PSEN1: variants seen among roughly 807,000 people sequenced by gnomAD.
PSEN1 encodes presenilin 1.
In PSEN1, 15 loss-of-function variants were observed where a neutral mutation model predicts 53.5. The ratio of observed to expected loss-of-function variants is 0.28; its 90% CI spans 0.19 to 0.43. PSEN1 has a LOEUF of 0.43. Among genes scored for constraint, PSEN1 ranks in the 20% least tolerant of loss-of-function variants. PSEN1 has a pLI of 1.00. For missense variants in PSEN1, 387 were observed against 571.2 expected, an observed-to-expected ratio of 0.68 and a Z score of 3.29; for synonymous variants, 208 against 209.8, an observed-to-expected ratio of 0.99 and a Z score of 0.08.
At chr14:73,216,304 A>G (rs1899910441) in intron 10 of PSEN1, among the ~76,000 whole-genome samples, 1 of 152,248 alleles carries the variant, frequency 6.6e-6, no homozygotes, top group Admixed American at 6.5e-5. Context: ...GTAAACGGGT[A>G]CAAGGTACCT....
chr14:73,219,975 T>C lies in PSEN1; in HGVS notation c.*686T>C, dbSNP rs938292234. The C allele has an allele frequency of 6.6e-6, 1 of 152,526 alleles. No homozygotes were observed. Among genetic ancestry groups the C allele is most frequent in the African/African-American group, 2.4e-5 (1 of 41,462 alleles). 9.4% of individuals were successfully genotyped at this position (152,526 alleles called of 1,614,324 possible). On this transcript the variant is annotated 3_prime_UTR_variant, in exon 12 of 12. Transcript: ENST00000324501. ...CACTCATTACCGTCTGTGATTGCCA[T>C]TTCTTCCCAAGGCCAGTCTGAACCT...
At chr14:73,180,007 C>T (rs1053076023) in intron 5 of PSEN1, among the ~76,000 whole-genome samples, 10 of 149,132 alleles carry the variant, frequency 6.7e-5, no homozygotes, top group African/African-American at 9.9e-5. Context: ...TTTTTTGAGA[C>T]GGAGTCTCAG....
At position 73,219,232 on chromosome 14, in the gene PSEN1, A is replaced by G. The variant is rs199632597; in HGVS notation, c.1347A>G (p.Thr449=). Residue 449 remains threonine, a synonymous_variant, in exon 12 of 12, where the codon ACA becomes ACG. Coordinates refer to ENST00000324501, the MANE Select transcript of PSEN1 (RefSeq NM_000021.4). ...ITFGLVFYFA[T]DYLVQPFMDQ... ...TTGGGCTTGTTTTCTACTTTGCCAC[A>G]GATTATCTTGTACAGCCTTTTATGG... The G allele has an allele frequency of 1.1e-5, 17 of 1,613,704 alleles. No individual in the cohort carries two copies. The African/African-American group carries it at 2.0e-4, about 19-fold the overall frequency.
Position 73,147,250 on chromosome 14 carries a change from C to G in PSEN1, c.-135-545C>G, listed in dbSNP as rs60619903. Among the ~76,000 whole-genome samples the G allele has an allele frequency of 4.9e-3, 744 of 152,282 alleles. 5 individuals are homozygous for G. The highest frequency in any genetic ancestry group is 0.016 in the African/African-American group (684 of 41,558). ...CCGCCCGCCTTGGCCTCCCAAAGTGCTGGGATTACAGGCATGAGCCACCGC... is the reference window on the plus strand; with the variant it reads ...CCGCCCGCCTTGGCCTCCCAAAGTGGTGGGATTACAGGCATGAGCCACCGC... On this transcript the variant is annotated intron_variant, in intron 1 of 11. Coordinates refer to ENST00000324501, the MANE Select transcript of PSEN1 (RefSeq NM_000021.4).
intron 5 of PSEN1, among the ~76,000 whole-genome samples, chr14:73,184,765 C>T (rs1172156468): frequency 6.6e-5 from 10 of 151,646 alleles, no homozygotes; most frequent in Admixed American, 5.9e-4. Context: ...ACCTCCCTCC[C>T]GGACGGGGTG....
At chr14:73,147,680 G>A (rs1339063325) in intron 1 of PSEN1, 115 bp from the exon 2 acceptor site, 4 of 335,394 alleles carry the variant, frequency 1.2e-5, no homozygotes, top group Admixed American at 4.3e-5. Flanking sequence ...GTTGAAAGTC[G>A]TGACAAATTA....
chr14:73,160,548 CT>C (rs1243208613), intron 3 of PSEN1, among the ~76,000 whole-genome samples: 1 of 152,182 alleles, frequency 6.6e-6, no homozygotes, highest in Non-Finnish European at 1.5e-5. Context: ...TTCTTCACAA[CT>C]TTACCACCGC....
At chr14:73,196,819 G>A (rs1661898616) in intron 7 of PSEN1, among the ~76,000 whole-genome samples, 1 of 151,682 alleles carries the variant, frequency 6.6e-6, no homozygotes, top group Admixed American at 6.6e-5. Context: ...TGACAATAAT[G>A]TGAATACAAG....
intron 8 of PSEN1, among the ~76,000 whole-genome samples, chr14:73,205,302 C>T (rs1899407593): frequency 6.6e-6 from 1 of 151,732 alleles, no homozygotes; most frequent in Non-Finnish European, 1.5e-5. Flanking sequence ...CAGTGAAACC[C>T]CACCTCTACT....
At position 73,177,483 on chromosome 14, in the gene PSEN1, T is replaced by C. The variant is rs977210319; in HGVS notation, c.480+3776T>C. Among the ~76,000 whole-genome samples, 31 of 152,346 alleles carry C rather than the reference T, an allele frequency of 2.0e-4. 2 individuals carry two copies. In the South Asian group the frequency reaches 6.2e-3, roughly 31 times the overall value. On this transcript the variant is annotated intron_variant, in intron 5 of 11. Coordinates refer to ENST00000324501, the MANE Select transcript of PSEN1 (RefSeq NM_000021.4). ...CTAGGATTACAGGCGTGAGCCGCTA[T>C]GCCAGGACAGCCGTTTTCTTCTAGT...
chr14:73,214,488 C>CCATT (rs1470881632), intron 10 of PSEN1, among the ~76,000 whole-genome samples: 3 of 150,654 alleles, frequency 2.0e-5, no homozygotes, highest in Admixed American at 6.6e-5. Context: ...TGAGATCATA[C>CCATT]CATTGCACTC....
chr14:73,219,188 C>A lies in PSEN1; in HGVS notation c.1303C>A (p.Leu435Ile). 2 of 1,613,928 alleles carry A rather than the reference C, an allele frequency of 1.2e-6. No individual in the cohort carries two copies. Among genetic ancestry groups the A allele is most frequent in the Non-Finnish European group, 1.7e-6 (2 of 1,179,764 alleles). ...LAIFKKALPA[L>I]PISITFGLVF... Reference sequence around the variant, plus strand: ...CATTTTCAAGAAAGCATTGCCAGCTCTTCCAATCTCCATCACCTTTGGGCT... The same window carrying A: ...CATTTTCAAGAAAGCATTGCCAGCTATTCCAATCTCCATCACCTTTGGGCT... The change falls in exon 12 of 12, where the codon CTT becomes ATT. Residue 435 changes from leucine (L) to isoleucine (I), a missense_variant. Physicochemically the swap from Leu to Ile is conservative, Grantham distance 5. Transcript: ENST00000324501.
intron 6 of PSEN1, among the ~76,000 whole-genome samples, chr14:73,191,693 T>C (rs1394594919): frequency 2.0e-5 from 3 of 152,076 alleles, no homozygotes; most frequent in Non-Finnish European, 2.9e-5. Context: ...ACTGCAGGCA[T>C]GTGCCATCAA....
At chr14:73,147,649 T>G in intron 1 of PSEN1, 146 bp from the exon 2 acceptor site, 1 of 328,158 alleles carries the variant, frequency 3.0e-6, no homozygotes, top group Non-Finnish European at 5.9e-6. Context: ...TACCTTGAGC[T>G]TATAGTAAAT....
intron 9 of PSEN1, among the ~76,000 whole-genome samples, chr14:73,210,066 G>A (rs1008359474): frequency 2.6e-5 from 4 of 152,126 alleles, no homozygotes; most frequent in African/African-American, 7.2e-5. Flanking sequence ...CTGTGTTAAC[G>A]GAACTAGAAG....
intron 7 of PSEN1, 50 bp downstream of exon 7, chr14:73,192,914 G>T: frequency 5.7e-6 from 8 of 1,399,128 alleles, no homozygotes; most frequent in Non-Finnish European, 8.1e-6. Context: ...CCCCACTGGA[G>T]TGTTTTCTTT....
rs63750771 is a variant in PSEN1 at position 73,186,896 on chromosome 14, T to C, written c.524T>C (p.Phe175Ser). ...ATTATATCATCTCTATTGTTGCTGTTCTTTTTTTCATTCATTTACTTGGGG... is the reference window on the plus strand; with the variant it reads ...ATTATATCATCTCTATTGTTGCTGTCCTTTTTTTCATTCATTTACTTGGGG... ...WLIISSLLLLFFFSFIYLGEV... is the reference protein window; with the variant it reads ...WLIISSLLLLSFFSFIYLGEV... The change falls in exon 6 of 12, where the codon TTC (phenylalanine) becomes TCC (serine). Residue 175 changes from phenylalanine to serine, a missense_variant. Phe to Ser is a radical substitution (Grantham distance 155). This residue lies in a region of PSEN1 where 169 missense variants were observed against 299.7 expected (regional missense o/e 0.56). Transcript: ENST00000324501. The C allele has an allele frequency of 6.2e-7, 1 of 1,613,860 alleles. No individual in the cohort carries two copies. The highest frequency in any genetic ancestry group is 8.5e-7 in the Non-Finnish European group (1 of 1,179,734).
chr14:73,199,980 C>T (rs919706903), intron 8 of PSEN1, among the ~76,000 whole-genome samples: 1 of 152,068 alleles, frequency 6.6e-6, no homozygotes, highest in African/African-American at 2.4e-5. Flanking sequence ...CTCCTGACTT[C>T]AGGTGATCCG....
chr14:73,201,905 TC>T (rs1899202842), intron 8 of PSEN1, among the ~76,000 whole-genome samples: 1 of 151,836 alleles, frequency 6.6e-6, no homozygotes. Flanking sequence ...CACCACCACA[TC>T]CGGCTAATGT....
Sources: allele counts gnomAD v4.1 joint callset (sites outside exome capture counted in the v4.1 genomes callset), GRCh38; gene constraint gnomAD v4.1.1; regional missense constraint gnomAD v4.1.1; transcripts MANE v1.5; gene names NCBI Gene and HGNC (gene_info 2026-07-23, HGNC 2026-07-21).